Variants in PDZD2 observed in about 807,000 individuals in gnomAD.
The protein encoded by PDZD2 is PDZ domain-containing protein 2.
PDZD2 carries 90 observed loss-of-function variants against 220.7 expected under a neutral mutation model. The observed-to-expected ratio is 0.41, with a 90% CI of 0.34 to 0.49. PDZD2 has a LOEUF of 0.49. Ranked by LOEUF, PDZD2 falls within the 20% of genes least tolerant of loss-of-function variation. The pLI, the probability that PDZD2 is intolerant of heterozygous loss-of-function variation, is 0.28. For missense variants in PDZD2, 3,174 were observed against 3,608.5 expected (o/e 0.88, Z 3.08); for synonymous variants, 1,375 against 1,450.5 (o/e 0.95, Z 1.18).
intron 2 of PDZD2, among the ~76,000 whole-genome samples, chr5:31,907,800 G>A (rs1158353386): frequency 6.6e-6 from 1 of 152,162 alleles, no homozygotes; most frequent in Non-Finnish European, 1.5e-5. Flanking sequence ...AAAAGGATCA[G>A]GTGGCTGGGC....
rs749886581 is a variant in PDZD2 at position 32,074,509 on chromosome 5, G to A, written c.3403G>A (p.Ala1135Thr). Residue 1135 changes from alanine (A) to threonine (T), a missense_variant, in exon 18 of 25, where the codon GCC becomes ACC. Coordinates refer to ENST00000438447, the MANE Select transcript of PDZD2 (RefSeq NM_178140.4). ...SPHCKRSEAE[A>T]KPSGSQTVNL... ...CCACTGCAAGAGATCCGAGGCTGAGGCCAAGCCCAGTGGCTCACAGACAGT... is the reference window on the plus strand; with the variant it reads ...CCACTGCAAGAGATCCGAGGCTGAGACCAAGCCCAGTGGCTCACAGACAGT... The A allele has an allele frequency of 3.1e-6, 5 of 1,614,144 alleles. No individual in the cohort carries two copies. The highest frequency in any genetic ancestry group is 4.2e-6 in the Non-Finnish European group (5 of 1,179,952).
Position 32,088,240 on chromosome 5 carries a change from CA to C in PDZD2, c.4793del (p.Gln1598ArgfsTer36). The C allele has an allele frequency of 6.2e-7, 1 of 1,614,154 alleles. No homozygotes were observed. The highest frequency in any genetic ancestry group is 8.5e-7 in the Non-Finnish European group (1 of 1,180,032). Reference protein sequence around the residue: ...KEDPSESEEEQIEICSTRGCP... With the variant: ...KEDPSESEEEXIEICSTRGCP... ...AGATCCTTCGGAGTCAGAAGAGGAA[CA>C]GATTGAGATTTGTTCCACACGTGGC... On this transcript the variant is annotated frameshift_variant, in exon 20 of 25. Transcript: ENST00000438447. LOFTEE classifies it high-confidence loss of function. This position sits in a 1 kb window ranked among gnomAD's most constrained non-coding sequence, Gnocchi z 4.6.
intron 13 of PDZD2, among the ~76,000 whole-genome samples, chr5:32,060,582 G>A (rs1225720272): frequency 6.6e-6 from 1 of 152,178 alleles, no homozygotes; most frequent in East Asian, 1.9e-4. Context: ...ACGGACCCGA[G>A]TTAGTTCAAC....
intron 2 of PDZD2, among the ~76,000 whole-genome samples, chr5:31,873,798 T>A (rs1213278198): frequency 6.6e-6 from 1 of 150,838 alleles, no homozygotes; most frequent in Non-Finnish European, 1.5e-5. Flanking sequence ...TGGTGTGATC[T>A]CGGCTCACGG....
intron 24 of PDZD2, chr5:32,104,059 G>C (rs1388537035): frequency 6.6e-6 from 1 of 152,218 alleles, no homozygotes; most frequent in Admixed American, 6.5e-5. Context: ...AGCCATTCAA[G>C]TATTTCTGAG....
Position 32,077,579 on chromosome 5 carries a change from T to G in PDZD2, c.3655T>G (p.Ser1219Ala), listed in dbSNP as rs1467699713. 5.0e-6 allele frequency: 8 copies of G among 1,614,174 alleles called. No individual in the cohort carries two copies. The highest frequency in any genetic ancestry group is 6.8e-6 in the Non-Finnish European group (8 of 1,180,028). ...CACAGAGAACCTGCCCAAAGCTGCA[T>G]CAGAGCTGGGGCAACAACCCATGAC... ...HLTENLPKAA[S>A]ELGQQPMTEL... is the part of the protein sequence containing the mutation. The change falls in exon 19 of 25, where the codon TCA (serine) becomes GCA (alanine). Residue 1219 changes from serine (S) to alanine (A), a missense_variant. Physicochemically the swap from Ser to Ala is moderately conservative, Grantham distance 99. Coordinates refer to ENST00000438447, the MANE Select transcript of PDZD2 (RefSeq NM_178140.4).
At chr5:31,968,382 G>T (rs959526022) in intron 2 of PDZD2, among the ~76,000 whole-genome samples, 2 of 151,962 alleles carry the variant, frequency 1.3e-5, no homozygotes, top group African/African-American at 4.8e-5. Flanking sequence ...AGCTGGGCAC[G>T]GTGGCTCACG....
chr5:31,661,109 G>T (rs1446832128), intron 1 of PDZD2, among the ~76,000 whole-genome samples: 1 of 152,188 alleles, frequency 6.6e-6, no homozygotes, highest in African/African-American at 2.4e-5. Flanking sequence ...GGCTTGGAAA[G>T]AAACAAATGA....
At position 31,726,137 on chromosome 5, in the gene PDZD2, T is replaced by C. The variant is rs530268297; in HGVS notation, c.-360-72752T>C. On this transcript the variant is annotated intron_variant, in intron 1 of 24. Coordinates refer to ENST00000438447, the MANE Select transcript of PDZD2 (RefSeq NM_178140.4). ...GAGCCTGCCTTTCCTTATCTGTAGA[T>C]TGTGAGGAGAAGTGCCTGCTCTGAG... Among the ~76,000 whole-genome samples, 180 of 152,280 alleles carry C rather than the reference T, an allele frequency of 1.2e-3. 2 individuals are homozygous for C. The highest frequency in any genetic ancestry group is 4.2e-3 in the African/African-American group (174 of 41,568).
At chr5:31,937,536 G>T (rs1012576267) in intron 2 of PDZD2, among the ~76,000 whole-genome samples, 1 of 152,182 alleles carries the variant, frequency 6.6e-6, no homozygotes, top group Non-Finnish European at 1.5e-5. Flanking sequence ...TGGTGGCCAC[G>T]TTTTGTGGCT....
intron 2 of PDZD2, among the ~76,000 whole-genome samples, chr5:31,880,104 A>T (rs1739730976): frequency 6.6e-6 from 1 of 151,042 alleles, no homozygotes; most frequent in South Asian, 2.1e-4. Context: ...ATTTTTTTTT[A>T]GTAGAGATGG....
intron 2 of PDZD2, among the ~76,000 whole-genome samples, chr5:31,883,023 CAAAAA>C (rs781370177): frequency 2.9e-4 from 14 of 47,956 alleles, no homozygotes; most frequent in Admixed American, 7.2e-4. Flanking sequence ...GACTCTGTCT[CAAAAA>C]AAAAAAAAAA....
At chr5:31,724,041 A>T (rs1234777305) in intron 1 of PDZD2, among the ~76,000 whole-genome samples, 1 of 152,160 alleles carries the variant, frequency 6.6e-6, no homozygotes, top group Non-Finnish European at 1.5e-5. Flanking sequence ...CAATTCTTTT[A>T]CACAGTGCAC....
chr5:31,862,090 T>G (rs935143583), intron 2 of PDZD2, among the ~76,000 whole-genome samples: 7 of 143,850 alleles, frequency 4.9e-5, no homozygotes, highest in Non-Finnish European at 1.0e-4. Flanking sequence ...GACTCAATGT[T>G]TTTTTTTTGG....
Position 32,006,907 on chromosome 5 carries a change from CTTTTTTTTTTT to C in PDZD2, c.1255-3407_1255-3397del, listed in dbSNP as rs1173189592. On this transcript the variant is annotated intron_variant, in intron 5 of 24. Coordinates refer to ENST00000438447, the MANE Select transcript of PDZD2 (RefSeq NM_178140.4). ...ATTTCACTATGTTAGCCATGCTGGT[CTTTTTTTTTTT>C]TTTTTTTTTTTTTTTGAGACGGAGT... Among the ~76,000 whole-genome samples, 15 of 47,854 alleles carry C rather than the reference CTTTTTTTTTTT, an allele frequency of 3.1e-4. No homozygotes were observed. The Admixed American group carries it at 5.1e-3, about 16-fold the overall frequency. The allele number at this position is 47,854 out of a possible 152,430, so 31.4% of individuals were successfully genotyped here.
intron 2 of PDZD2, among the ~76,000 whole-genome samples, chr5:31,947,000 G>A (rs913693346): frequency 3.9e-5 from 6 of 152,114 alleles, no homozygotes; most frequent in Admixed American, 2.0e-4. Context: ...CACCATTTCC[G>A]GCTAAGATGG....
At chr5:31,737,261 C>T (rs888506633) in intron 1 of PDZD2, among the ~76,000 whole-genome samples, 1 of 148,788 alleles carries the variant, frequency 6.7e-6, no homozygotes, top group African/African-American at 2.5e-5. Context: ...CAAGCTCCGC[C>T]TCTCAGGTTC....
intron 1 of PDZD2, among the ~76,000 whole-genome samples, chr5:31,710,820 A>G (rs76217389): frequency 2.3e-4 from 8 of 34,572 alleles, no homozygotes; most frequent in Admixed American, 1.6e-3. Flanking sequence ...CCGTCTTGAA[A>G]AAAAAAAAAA....
chr5:31,849,965 CATATAT>C (rs1175899478), intron 2 of PDZD2, among the ~76,000 whole-genome samples: 4,161 of 30,868 alleles, frequency 0.13, 1,180 homozygotes, highest in African/African-American at 0.48. Context: ...TATATATACA[CATATAT>C]ATATATACAT....
Sources: gnomAD v4.1 joint callset for allele counts (sites outside exome capture counted in the v4.1 genomes callset) on GRCh38, gnomAD v4.1.1 for gene constraint, Gnocchi (gnomAD v3.1) non-coding constraint, MANE v1.5 for transcripts, NCBI Gene and HGNC (gene_info 2026-07-23, HGNC 2026-07-21) for gene names.